ITPR2: variants seen among roughly 807,000 people sequenced by gnomAD.
ITPR2 encodes inositol 1,4,5-trisphosphate receptor type 2.
Under a neutral mutation model 317.1 loss-of-function variants are expected in ITPR2, and 207 were observed. The ratio of observed to expected loss-of-function variants is 0.65; its 90% CI spans 0.58 to 0.73. The LOEUF (loss-of-function observed/expected upper bound fraction) is 0.73. ITPR2 is among the 30% of genes least tolerant of loss of function. ITPR2 has a pLI of 0.00. For synonymous variants in ITPR2, 1,156 were observed against 1,149.1 expected (o/e 1.01, Z -0.12); for missense variants, 2,613 against 3,284.0 (o/e 0.80, Z 4.99).
chr12:26,454,496 A>G (rs1203559703), intron 45 of ITPR2, among the ~76,000 whole-genome samples: 1 of 152,170 alleles, frequency 6.6e-6, no homozygotes, highest in Non-Finnish European at 1.5e-5. Context: ...GTAAGCCACC[A>G]TGCCGGGCCA....
At chr12:26,749,373 T>C (rs531827365) in intron 2 of ITPR2, among the ~76,000 whole-genome samples, 2 of 152,250 alleles carry the variant, frequency 1.3e-5, no homozygotes, top group East Asian at 3.8e-4. Flanking sequence ...GCTGCAGTTA[T>C]CTTTTAAGTC....
chr12:26,622,173 C>T, intron 25 of ITPR2, 67 bp downstream of exon 25: 5 of 1,414,934 alleles, frequency 3.5e-6, no homozygotes, highest in Middle Eastern at 1.9e-4. Context: ...GCCATGAAGT[C>T]AGGTTGGATG....
intron 2 of ITPR2, among the ~76,000 whole-genome samples, chr12:26,771,664 A>G (rs1311280713): frequency 6.6e-6 from 1 of 152,180 alleles, no homozygotes; most frequent in East Asian, 1.9e-4. Context: ...ACAGGTGCCC[A>G]ACACCACGCC....
intron 45 of ITPR2, 38 bp downstream of exon 45, chr12:26,475,258 G>A: frequency 6.2e-7 from 1 of 1,610,520 alleles, no homozygotes; most frequent in Non-Finnish European, 8.5e-7. Flanking sequence ...ACGATTGATA[G>A]GATGAGCAAA....
In ITPR2 at chr12:26,735,121, C is replaced by T. The variant is rs750823551; in HGVS notation, c.164-9356G>A. ...GTTCAAACGATTCTCCTGTCTCAGCCTCCTGAGAAGCTGGGATTACAGGCA... is the reference window on the plus strand; with the variant it reads ...GTTCAAACGATTCTCCTGTCTCAGCTTCCTGAGAAGCTGGGATTACAGGCA... On this transcript the variant is annotated intron_variant, in intron 2 of 56. Coordinates refer to ENST00000381340, the MANE Select transcript of ITPR2 (RefSeq NM_002223.4). Among the ~76,000 whole-genome samples the T allele has an allele frequency of 2.6e-4, 39 of 151,972 alleles. 1 individual carries two copies. Among genetic ancestry groups the T allele is most frequent in the Non-Finnish European group, 2.4e-4 (16 of 68,016 alleles).
chr12:26,620,152 A>G (rs753949465), intron 26 of ITPR2, among the ~76,000 whole-genome samples: 3 of 152,242 alleles, frequency 2.0e-5, no homozygotes, highest in Non-Finnish European at 4.4e-5. Context: ...ACTTCTGCCA[A>G]TGAGATAAAC....
chr12:26,772,451 T>A (rs7484923), intron 2 of ITPR2, among the ~76,000 whole-genome samples: 661 of 59,488 alleles, frequency 0.011, 10 homozygotes, highest in African/African-American at 0.023. Context: ...TTATATATAT[T>A]ATATATATAA....
chr12:26,812,353 C>T (rs911605809), intron 1 of ITPR2, among the ~76,000 whole-genome samples: 7 of 152,158 alleles, frequency 4.6e-5, no homozygotes, highest in African/African-American at 1.7e-4. Flanking sequence ...CCGAGGTGGG[C>T]AGATCACGAG....
rs779732956 is a variant in ITPR2, at chr12:26,622,327, G to A, written c.3201C>T (p.His1067=). 21 of 1,613,834 alleles carry A rather than the reference G, an allele frequency of 1.3e-5. No homozygotes were observed. The highest frequency in any genetic ancestry group is 6.7e-5 in the Admixed American group (4 of 59,982). The part of the protein sequence containing the change: ...FLRVLIHLIM[H]DYPPLLSGAL... Reference sequence around the variant, plus strand: ...CTCCAGACAGCAAAGGCGGGTAGTCGTGCATGATCAGATGAATGAGGACCC... The same window carrying A: ...CTCCAGACAGCAAAGGCGGGTAGTCATGCATGATCAGATGAATGAGGACCC... Residue 1067 remains histidine, a synonymous_variant, in exon 25 of 57, where the codon CAC becomes CAT. Coordinates refer to ENST00000381340, the MANE Select transcript of ITPR2 (RefSeq NM_002223.4).
intron 39 of ITPR2, among the ~76,000 whole-genome samples, chr12:26,491,589 T>C (rs912648629): frequency 7.9e-5 from 12 of 151,332 alleles, no homozygotes; most frequent in African/African-American, 2.2e-4. Flanking sequence ...AGACTACTTG[T>C]CACTGTCTAG....
chr12:26,589,273 T>C (rs1357371231), intron 32 of ITPR2, among the ~76,000 whole-genome samples: 1 of 152,076 alleles, frequency 6.6e-6, no homozygotes, highest in African/African-American at 2.4e-5. Context: ...AAATAATCTT[T>C]TGGGAAAGAT....
At chr12:26,518,533 A>AG (rs144752371) in intron 37 of ITPR2, among the ~76,000 whole-genome samples, 15 of 143,076 alleles carry the variant, frequency 1.0e-4, no homozygotes, top group African/African-American at 2.2e-4. Context: ...TTGTCGGGGA[A>AG]GGGGGGGCGG....
chr12:26,449,366 C>T (rs1340783583), intron 45 of ITPR2, among the ~76,000 whole-genome samples: 1 of 152,250 alleles, frequency 6.6e-6, no homozygotes, highest in African/African-American at 2.4e-5. Flanking sequence ...TTCTAATGTG[C>T]AAAATATGGA....
chr12:26,489,955 T>C lies in ITPR2; in HGVS notation c.5371-2704A>G, dbSNP rs117184019. On this transcript the variant is annotated intron_variant, in intron 39 of 56. Coordinates refer to ENST00000381340, the MANE Select transcript of ITPR2 (RefSeq NM_002223.4). Reference sequence around the variant, plus strand: ...ATAGGGCAAGGAATAAGATTTGAGCTAATCTCAACTAGACCTCTTAGAGCC... The same window carrying C: ...ATAGGGCAAGGAATAAGATTTGAGCCAATCTCAACTAGACCTCTTAGAGCC... 6.5e-3 allele frequency among the ~76,000 whole-genome samples: 985 copies of C among 152,322 alleles called. 5 individuals are homozygous for C. Among genetic ancestry groups the C allele is most frequent in the Admixed American group, 0.01 (154 of 15,308 alleles).
chr12:26,394,899 T>C (rs1423802765), intron 54 of ITPR2, among the ~76,000 whole-genome samples: 2 of 152,030 alleles, frequency 1.3e-5, no homozygotes, highest in Non-Finnish European at 2.9e-5. Context: ...CTAAACATGA[T>C]GGTGTGGTTC....
intron 40 of ITPR2, 165 bp downstream of exon 40, chr12:26,486,903 G>A: frequency 1.4e-6 from 1 of 726,574 alleles, no homozygotes; most frequent in Non-Finnish European, 2.5e-6. Context: ...GTCCTGCAGA[G>A]CCGTTTTAGG....
At position 26,832,958 on chromosome 12, in the gene ITPR2, G is replaced by C. The variant is rs1252082584; in HGVS notation, c.-177C>G. On this transcript the variant is annotated 5_prime_UTR_variant, in exon 1 of 57. Coordinates refer to ENST00000381340, the MANE Select transcript of ITPR2 (RefSeq NM_002223.4). The stretch of plus-strand genomic sequence containing the variant: ...CGCGGCTCAGCCGTGCGTGCGCGCC[G>C]GGGAAGCCAGACCGGGGCCAAGCCG... 3 of 560,648 alleles carry C rather than the reference G, an allele frequency of 5.4e-6. No individual in the cohort carries two copies. The highest frequency in any genetic ancestry group is 4.1e-5 in the African/African-American group (2 of 49,214). 34.7% of individuals were successfully genotyped at this position (560,648 alleles called of 1,614,324 possible). A position where few individuals can be genotyped will look rare whatever the true frequency, so the allele number is the denominator to read the frequency against.
intron 54 of ITPR2, among the ~76,000 whole-genome samples, chr12:26,388,555 T>C (rs931262388): frequency 2.0e-5 from 3 of 152,012 alleles, no homozygotes; most frequent in Non-Finnish European, 2.9e-5. Flanking sequence ...CCAGGTTCAA[T>C]TGATCCTCCT....
chr12:26,580,776 A>G (rs1945386399), intron 32 of ITPR2, among the ~76,000 whole-genome samples: 1 of 152,190 alleles, frequency 6.6e-6, no homozygotes. Flanking sequence ...CTGAAGCTGG[A>G]GAAAGACCAG....
Sources: allele counts gnomAD v4.1 joint callset (sites outside exome capture counted in the v4.1 genomes callset), GRCh38; gene constraint gnomAD v4.1.1; transcripts MANE v1.5; gene names NCBI Gene and HGNC (gene_info 2026-07-23, HGNC 2026-07-21).